The following SPMIP5 variants were observed in gnomAD, a reference collection of about 807,000 sequenced individuals.
SPMIP5 encodes the protein sperm-associated microtubule inner protein 5.
At chr10:116,665,706 G>A in the SPMIP5 span, 1 of 1,614,208 alleles carries the variant, frequency 6.2e-7, no homozygotes, top group Admixed American at 1.7e-5. Flanking sequence ...AGTGGCCACT[G>A]CGCAGCACAA....
the SPMIP5 span, chr10:116,664,913 G>A: frequency 2.5e-6 from 4 of 1,613,888 alleles, no homozygotes; most frequent in East Asian, 8.9e-5. Context: ...CAGGGATCGG[G>A]GGCTCCTGGA....
the SPMIP5 span, chr10:116,663,678 G>A: frequency 5.4e-5 from 27 of 498,512 alleles, no homozygotes; most frequent in Admixed American, 9.4e-4. Context: ...GAGAAAACCC[G>A]CACAAGAAAC....
chr10:116,664,255 A>C, the SPMIP5 span: 6 of 1,601,882 alleles, frequency 3.7e-6, no homozygotes, highest in Admixed American at 8.5e-5. Context: ...GTTTTTGTGG[A>C]GCTAACTCCA....
chr10:116,667,818 A>G, the SPMIP5 span, among the ~76,000 whole-genome samples: 1 of 152,360 alleles, frequency 6.6e-6, no homozygotes, highest in South Asian at 2.1e-4. Flanking sequence ...AGGCAGTCCC[A>G]GGTAGACCAG....
chr10:116,667,455 T>C, the SPMIP5 span, among the ~76,000 whole-genome samples: 1 of 152,230 alleles, frequency 6.6e-6, no homozygotes, highest in Non-Finnish European at 1.5e-5. Context: ...AGAGGCAAGT[T>C]ACTTACAGTC....
chr10:116,664,008 G>A, the SPMIP5 span: 5 of 1,551,514 alleles, frequency 3.2e-6, no homozygotes, highest in Non-Finnish European at 4.3e-6. Flanking sequence ...GCGGAGTTTT[G>A]GGGTCCTCTC....
At chr10:116,665,661 G>A in the SPMIP5 span, 4,063 of 1,614,080 alleles carry the variant, frequency 2.5e-3, 102 homozygotes, top group African/African-American at 0.049. Flanking sequence ...CTGCAGGACC[G>A]TCTCCTCGGA....
chr10:116,668,167 G>A, the SPMIP5 span: 1 of 1,284,506 alleles, frequency 7.8e-7, no homozygotes, highest in Non-Finnish European at 1.1e-6. Context: ...CCAGTTGGCT[G>A]CACAGACACA....
chr10:116,664,045 C>T, the SPMIP5 span: 1 of 1,591,744 alleles, frequency 6.3e-7, no homozygotes, highest in Non-Finnish European at 8.6e-7. Flanking sequence ...GGCAGGGCAG[C>T]TTCCATCTAG....
the SPMIP5 span, chr10:116,665,289 T>TCGCTGA: frequency 2.5e-6 from 1 of 405,256 alleles, no homozygotes; most frequent in African/African-American, 2.1e-5. Flanking sequence ...CTCAGCTACT[T>TCGCTGA]GGCTGAGGCT....
At chr10:116,670,249 G>A in the SPMIP5 span, 1 of 150,844 alleles carries the variant, frequency 6.6e-6, no homozygotes, top group African/African-American at 2.4e-5. Flanking sequence ...GTTTTTGCGG[G>A]TGTAGACACT....
At chr10:116,665,514 C>A in the SPMIP5 span, 39 of 1,144,326 alleles carry the variant, frequency 3.4e-5, no homozygotes, top group African/African-American at 1.5e-4. Flanking sequence ...TGGAACGGTG[C>A]GGGATTCTGG....
At chr10:116,663,918 A>G in the SPMIP5 span, 3 of 1,536,556 alleles carry the variant, frequency 2.0e-6, no homozygotes, top group Admixed American at 5.9e-5. Flanking sequence ...AGCCTTCTGC[A>G]TACTTTGCGG....
the SPMIP5 span, chr10:116,670,269 G>A: frequency 6.6e-6 from 1 of 152,322 alleles, no homozygotes; most frequent in East Asian, 1.9e-4. Context: ...TGCGGCGCCT[G>A]GGTCTGCAGG....
At chr10:116,664,310 T>C in the SPMIP5 span, 4 of 1,369,546 alleles carry the variant, frequency 2.9e-6, no homozygotes, top group Non-Finnish European at 4.0e-6. Flanking sequence ...ATGGACCTTT[T>C]ATTAAGAATA....
chr10:116,662,775 G>A, the SPMIP5 span, among the ~76,000 whole-genome samples: 2 of 152,054 alleles, frequency 1.3e-5, 1 homozygote, highest in Non-Finnish European at 2.9e-5. Context: ...CCTAGTCCCC[G>A]TACTTTATGT....
the SPMIP5 span, chr10:116,665,534 G>A: frequency 7.2e-7 from 1 of 1,392,050 alleles, no homozygotes; most frequent in Admixed American, 1.9e-5. Context: ...GGTGCTATGG[G>A]GCAGCTCAGC....
chr10:116,667,017 G>A, the SPMIP5 span, among the ~76,000 whole-genome samples: 4 of 152,180 alleles, frequency 2.6e-5, no homozygotes, highest in African/African-American at 9.7e-5. Flanking sequence ...CTGTGAATGT[G>A]CATTTATCTA....
the SPMIP5 span, chr10:116,664,118 A>T: frequency 6.2e-7 from 1 of 1,613,826 alleles, no homozygotes; most frequent in Non-Finnish European, 8.5e-7. Flanking sequence ...GCCACTGCAA[A>T]CATTTCATCC....
Sources: allele counts gnomAD v4.1 joint callset (sites outside exome capture counted in the v4.1 genomes callset), GRCh38; gene constraint gnomAD v4.1.1; transcripts MANE v1.5; gene names NCBI Gene and HGNC (gene_info 2026-07-23, HGNC 2026-07-21).